E2F5: variants seen among roughly 807,000 people sequenced by gnomAD.
E2F5 encodes transcription factor E2F5.
A neutral mutation model predicts 39.1 loss-of-function variants in E2F5; 23 were observed. The observed-to-expected ratio is 0.59, with a 90% CI of 0.42 to 0.83. The LOEUF (loss-of-function observed/expected upper bound fraction) is 0.83. Ranked by LOEUF, E2F5 falls within the 40% of genes least tolerant of loss-of-function variation. The pLI, the probability that E2F5 is intolerant of heterozygous loss-of-function variation, is 0.00. For missense variants in E2F5, 365 were observed against 406.7 expected, an observed-to-expected ratio of 0.90 and a Z score of 0.88; for synonymous variants, 145 against 157.8, an observed-to-expected ratio of 0.92 and a Z score of 0.61.
chr8:85,204,403 A>C, intron 3 of E2F5, among the ~76,000 whole-genome samples: 1 of 151,244 alleles, frequency 6.6e-6, no homozygotes. Context: ...GTCATGGATG[A>C]CGCTGGAAAC....
intron 1 of E2F5, among the ~76,000 whole-genome samples, chr8:85,180,209 A>AG (rs974475613): frequency 2.7e-5 from 4 of 150,730 alleles, no homozygotes; most frequent in Admixed American, 6.6e-5. Context: ...TTAGTAGAGA[A>AG]GGGGTTTCAC....
chr8:85,211,326 T>C (rs1812915992), intron 6 of E2F5, among the ~76,000 whole-genome samples: 1 of 151,710 alleles, frequency 6.6e-6, no homozygotes, highest in Non-Finnish European at 1.5e-5. Context: ...ATTGCAAGCC[T>C]GGGAGGTCAA....
chr8:85,192,468 G>A (rs4150892), intron 1 of E2F5, among the ~76,000 whole-genome samples: 2,714 of 152,284 alleles, frequency 0.018, 43 homozygotes, highest in East Asian at 0.062. Context: ...TGAAACACTA[G>A]TAGTTCAGTA....
At chr8:85,183,267 C>T (rs545639768) in intron 1 of E2F5, among the ~76,000 whole-genome samples, 6 of 152,142 alleles carry the variant, frequency 3.9e-5, no homozygotes, top group South Asian at 4.2e-4. Context: ...ACAGCAACAA[C>T]GACAACAAAA....
intron 1 of E2F5, among the ~76,000 whole-genome samples, chr8:85,193,916 C>T (rs917680272): frequency 3.3e-5 from 5 of 152,100 alleles, no homozygotes; most frequent in East Asian, 3.8e-4. Context: ...TTATGAATAC[C>T]GCTATGAATT....
intron 1 of E2F5, among the ~76,000 whole-genome samples, chr8:85,199,267 C>T (rs1030944308): frequency 3.3e-5 from 5 of 152,054 alleles, no homozygotes; most frequent in Non-Finnish European, 7.4e-5. Context: ...GCTTCCTCTG[C>T]CCAGAATGCT....
At chr8:85,180,441 A>G (rs1044455363) in intron 1 of E2F5, among the ~76,000 whole-genome samples, 2 of 148,226 alleles carry the variant, frequency 1.3e-5, no homozygotes, top group African/African-American at 2.5e-5. Context: ...GTGGGGGCAT[A>G]TTTCAGCATA....
intron 1 of E2F5, among the ~76,000 whole-genome samples, chr8:85,195,562 C>A (rs531419232): frequency 2.6e-5 from 4 of 152,088 alleles, no homozygotes; most frequent in African/African-American, 9.6e-5. Context: ...CAGTCATGGC[C>A]CACTGCAACC....
intron 5 of E2F5, 66 bp downstream of exon 5, chr8:85,207,555 T>G: frequency 7.3e-7 from 1 of 1,360,660 alleles, no homozygotes; most frequent in Non-Finnish European, 1.0e-6. Context: ...GAAGGATATT[T>G]TCTTTAGCTG....
chr8:85,177,259 C>T lies in E2F5; in HGVS notation c.-162C>T. ...CGGCGTGACAAGCGGCCCAGACTCC[C>T]GTGGGCGCCGCACACCTGTTGTTTG... On this transcript the variant is annotated 5_prime_UTR_variant, in exon 1 of 8. Coordinates refer to ENST00000416274, the MANE Select transcript of E2F5 (RefSeq NM_001951.4). The T allele has an allele frequency of 1.9e-6, 1 of 529,248 alleles. No individual in the cohort carries two copies. Among genetic ancestry groups the T allele is most frequent in the Non-Finnish European group, 2.4e-6 (1 of 412,660 alleles). The allele number at this position is 529,248 out of a possible 1,614,324, so 32.8% of individuals were successfully genotyped here.
At chr8:85,188,021 C>T (rs765918027) in intron 1 of E2F5, among the ~76,000 whole-genome samples, 3 of 152,182 alleles carry the variant, frequency 2.0e-5, no homozygotes, top group East Asian at 1.9e-4. Context: ...CAAGTTTGAT[C>T]GCAAAAACAA....
At chr8:85,205,363 G>A (rs13269452) in intron 3 of E2F5, among the ~76,000 whole-genome samples, 1 of 152,062 alleles carries the variant, frequency 6.6e-6, no homozygotes, top group Non-Finnish European at 1.5e-5. Flanking sequence ...AGCCTCCAGA[G>A]TAGCTGTGAT....
At chr8:85,178,104 T>C (rs1269638363) in intron 1 of E2F5, 1 of 152,020 alleles carries the variant, frequency 6.6e-6, no homozygotes, top group Non-Finnish European at 1.5e-5. Context: ...GTTGGAACCA[T>C]GTTCCTGTAG....
intron 1 of E2F5, 193 bp downstream of exon 1, chr8:85,177,847 G>A: frequency 9.9e-7 from 1 of 1,010,518 alleles, no homozygotes; most frequent in Non-Finnish European, 1.2e-6. Context: ...GAGGGACCAG[G>A]ATGGCACCGA....
chr8:85,204,133 A>G (rs1812752210), intron 3 of E2F5, among the ~76,000 whole-genome samples: 1 of 152,092 alleles, frequency 6.6e-6, no homozygotes, highest in African/African-American at 2.4e-5. Context: ...GTTTGAGAAC[A>G]ATGGGAGTTT....
chr8:85,213,950 G>GT lies in E2F5; in HGVS notation c.*89dup, dbSNP rs2129783628. The GT allele has an allele frequency of 1.3e-6, 1 of 757,522 alleles. No individual in the cohort carries two copies. Among genetic ancestry groups the GT allele is most frequent in the African/African-American group, 1.8e-5 (1 of 56,422 alleles). The allele number at this position is 757,522 out of a possible 1,614,324, so 46.9% of individuals were successfully genotyped here. A position where few individuals can be genotyped will look rare whatever the true frequency, so the allele number is the denominator to read the frequency against. On this transcript the variant is annotated 3_prime_UTR_variant, in exon 8 of 8. Transcript: ENST00000416274. ...AACCTAAATATTTAAAATAATGAATGTAACACCTTTTTTAGTTCACTGATT... is the reference window on the plus strand; with the variant it reads ...AACCTAAATATTTAAAATAATGAATGTTAACACCTTTTTTAGTTCACTGATT...
At chr8:85,204,985 A>C (rs1812771886) in intron 3 of E2F5, among the ~76,000 whole-genome samples, 1 of 152,192 alleles carries the variant, frequency 6.6e-6, no homozygotes, top group Non-Finnish European at 1.5e-5. Flanking sequence ...CAGGAGTTTG[A>C]GACCAGCCTG....
At position 85,202,084 on chromosome 8, in the gene E2F5, C is replaced by CT. The variant is rs563952512; in HGVS notation, c.235-58dup. 9 of 1,357,410 alleles carry CT rather than the reference C, an allele frequency of 6.6e-6. No homozygotes were observed. The East Asian group carries it at 1.9e-4, about 29-fold the overall frequency. The allele number at this position is 1,357,410 out of a possible 1,614,324, so 84.1% of individuals were successfully genotyped here. Reference sequence around the variant, plus strand: ...CTTGTTGTGGATTTAATAATCAACCCTTTTTGGCTTTAAAATATGACTTGC... The same window carrying CT: ...CTTGTTGTGGATTTAATAATCAACCCTTTTTTGGCTTTAAAATATGACTTGC... On this transcript the variant is annotated intron_variant, in intron 1 of 7. Transcript: ENST00000416274.
chr8:85,204,705 A>T lies in E2F5; in HGVS notation c.506+1450A>T, dbSNP rs966934642. Among the ~76,000 whole-genome samples the T allele has an allele frequency of 5.3e-5, 8 of 151,428 alleles. No homozygotes were observed. The East Asian group carries it at 5.8e-4, about 11-fold the overall frequency. On this transcript the variant is annotated intron_variant, in intron 3 of 7. Coordinates refer to ENST00000416274, the MANE Select transcript of E2F5 (RefSeq NM_001951.4). ...CTTAAAGTATAATAATAATAAAATT[A>T]AAAAAAAAGAAACAGCATGGGCTCA...
Sources: gnomAD v4.1 joint callset for allele counts (sites outside exome capture counted in the v4.1 genomes callset) on GRCh38, gnomAD v4.1.1 for gene constraint, MANE v1.5 for transcripts, NCBI Gene and HGNC (gene_info 2026-07-23, HGNC 2026-07-21) for gene names.